Variants in INPP4A observed in about 807,000 individuals in gnomAD.
INPP4A encodes the protein inositol polyphosphate-4-phosphatase, type I, 107kD.
In INPP4A, 33 loss-of-function variants were observed where a neutral mutation model predicts 119.8. The ratio of observed to expected loss-of-function variants is 0.28; its 90% CI spans 0.21 to 0.37. The LOEUF (loss-of-function observed/expected upper bound fraction) is 0.37, where lower values mean the gene tolerates loss of function less well. INPP4A is among the 10% of genes least tolerant of loss of function. The pLI is 1.00. For missense variants in INPP4A, 956 were observed against 1,289.9 expected (o/e 0.74, Z 3.97); for synonymous variants, 496 against 500.7 (o/e 0.99, Z 0.12).
intron 24 of INPP4A, among the ~76,000 whole-genome samples, chr2:98,577,345 T>A (rs1442977127): frequency 1.3e-5 from 2 of 152,132 alleles, no homozygotes; most frequent in East Asian, 3.9e-4. Context: ...AGGTGGGGGG[T>A]AACAGCTAGC....
At chr2:98,578,572 C>T (rs576438270) in intron 24 of INPP4A, among the ~76,000 whole-genome samples, 1 of 152,344 alleles carries the variant, frequency 6.6e-6, no homozygotes, top group South Asian at 2.1e-4. Context: ...AAAGTGGCCC[C>T]CTGGAGAGCC....
intron 18 of INPP4A, 93 bp from the exon 19 acceptor site, chr2:98,564,547 G>A (rs1016538445): frequency 9.4e-6 from 14 of 1,484,558 alleles, no homozygotes; most frequent in Admixed American, 1.8e-5. Flanking sequence ...AGTGGCAGCA[G>A]AGGAAGGGGG....
At chr2:98,548,695 T>G (rs796209014) in intron 13 of INPP4A, among the ~76,000 whole-genome samples, 5 of 152,350 alleles carry the variant, frequency 3.3e-5, no homozygotes, top group African/African-American at 1.2e-4. Flanking sequence ...ATGGTATTCA[T>G]GATTTGAACT....
chr2:98,577,546 A>T (rs1416769776), intron 24 of INPP4A, among the ~76,000 whole-genome samples: 1 of 152,208 alleles, frequency 6.6e-6, no homozygotes, highest in Admixed American at 6.5e-5. Context: ...GTATATATTG[A>T]TATCTGTACA....
At chr2:98,478,444 A>G (rs1677706128) in intron 1 of INPP4A, among the ~76,000 whole-genome samples, 1 of 152,222 alleles carries the variant, frequency 6.6e-6, no homozygotes, top group South Asian at 2.1e-4. Context: ...CCAGCCTTGC[A>G]GTCCAGCTGA....
intron 5 of INPP4A, among the ~76,000 whole-genome samples, chr2:98,533,958 A>G (rs895847473): frequency 6.6e-6 from 1 of 152,236 alleles, no homozygotes; most frequent in East Asian, 1.9e-4. Flanking sequence ...ACTAAGTTAC[A>G]TGATAAACAT....
chr2:98,563,454 T>C lies in INPP4A; in HGVS notation c.1856-11T>C. 1 of 1,610,362 alleles carries C rather than the reference T, an allele frequency of 6.2e-7. No individual in the cohort carries two copies. Among genetic ancestry groups the C allele is most frequent in the Non-Finnish European group, 8.5e-7 (1 of 1,177,892 alleles). On this transcript the variant is annotated splice_polypyrimidine_tract_variant and intron_variant, in intron 17 of 24. Transcript: ENST00000409851. The stretch of plus-strand genomic sequence containing the variant: ...TCTCTCATTGTGATGACCCCTTCGC[T>C]TGTGCCCCAGGTGAATGGAGTGAGG...
intron 17 of INPP4A, among the ~76,000 whole-genome samples, chr2:98,560,389 T>C (rs1247952658): frequency 1.3e-5 from 2 of 152,228 alleles, no homozygotes; most frequent in South Asian, 4.1e-4. Flanking sequence ...GCATTGCTAG[T>C]GAAGCCTGTC....
chr2:98,527,586 C>T (rs565390509), intron 4 of INPP4A, among the ~76,000 whole-genome samples: 43 of 152,256 alleles, frequency 2.8e-4, no homozygotes, highest in African/African-American at 9.6e-4. Flanking sequence ...ACTCAGGAGA[C>T]GTGAAAAGGC....
Position 98,570,754 on chromosome 2 carries a change from A to G in INPP4A, c.2519-2061A>G, listed in dbSNP as rs1697299464. 6.6e-6 allele frequency among the ~76,000 whole-genome samples: 1 copy of G among 152,102 alleles called. No individual in the cohort carries two copies. The highest frequency in any genetic ancestry group is 1.5e-5 in the Non-Finnish European group (1 of 68,002). On this transcript the variant is annotated intron_variant, in intron 22 of 24. Coordinates refer to ENST00000409851, the MANE Select transcript of INPP4A (RefSeq NM_001134225.2). The surrounding 1 kb of genome is among the most constrained non-coding windows in gnomAD (Gnocchi z 4.3). Reference sequence around the variant, plus strand: ...GAGGGAAGGAGGGAGGAGAGAAGGTAGGGACATGAATGGAGGAAATATGCT... The same window carrying G: ...GAGGGAAGGAGGGAGGAGAGAAGGTGGGGACATGAATGGAGGAAATATGCT...
At chr2:98,490,571 T>C (rs1183254978) in intron 1 of INPP4A, among the ~76,000 whole-genome samples, 1 of 152,182 alleles carries the variant, frequency 6.6e-6, no homozygotes. Context: ...CTTCACTGGT[T>C]CATATGTGAC....
At chr2:98,487,352 A>G (rs1221142920) in intron 1 of INPP4A, among the ~76,000 whole-genome samples, 1 of 152,048 alleles carries the variant, frequency 6.6e-6, no homozygotes, top group Non-Finnish European at 1.5e-5. Context: ...CTTGTTTTTG[A>G]TGACCTTGAC....
intron 11 of INPP4A, among the ~76,000 whole-genome samples, chr2:98,544,844 G>A (rs1281313179): frequency 1.3e-5 from 2 of 152,190 alleles, no homozygotes; most frequent in African/African-American, 4.8e-5. Context: ...TAACAAGGAG[G>A]TGTTGCTTAG....
chr2:98,535,048 G>A (rs1689977809), intron 5 of INPP4A, among the ~76,000 whole-genome samples: 1 of 152,170 alleles, frequency 6.6e-6, no homozygotes, highest in Admixed American at 6.5e-5. Flanking sequence ...TGACCACCTG[G>A]ATCTGGATCT....
intron 24 of INPP4A, among the ~76,000 whole-genome samples, chr2:98,578,656 G>A (rs560046472): frequency 1.3e-5 from 2 of 152,374 alleles, no homozygotes; most frequent in African/African-American, 4.8e-5. Flanking sequence ...GCACACTTGG[G>A]TTGTGTGCTC....
chr2:98,532,113 TACTC>T (rs1264074482), intron 4 of INPP4A, among the ~76,000 whole-genome samples: 2 of 152,208 alleles, frequency 1.3e-5, no homozygotes, highest in East Asian at 3.9e-4. Context: ...GCCAGTAACT[TACTC>T]TGAATGAACA....
chr2:98,491,031 GAAAA>G (rs759288366), intron 1 of INPP4A, among the ~76,000 whole-genome samples: 12 of 152,058 alleles, frequency 7.9e-5, no homozygotes, highest in Non-Finnish European at 1.6e-4. Flanking sequence ...TGTTGACAGA[GAAAA>G]AAATTCAAAA....
chr2:98,457,784 AGGGAGAAACTCT>A (rs1461190459), intron 1 of INPP4A, among the ~76,000 whole-genome samples: 1 of 152,156 alleles, frequency 6.6e-6, no homozygotes, highest in Non-Finnish European at 1.5e-5. Context: ...TGACTATATT[AGGGAGAAACTCT>A]TATTTTTGTT....
In INPP4A at chr2:98,546,043, A is replaced by C; in HGVS notation, c.1024A>C (p.Arg342=). 2 of 1,588,340 alleles carry C rather than the reference A, an allele frequency of 1.3e-6. No homozygotes were observed. The highest frequency in any genetic ancestry group is 1.7e-6 in the Non-Finnish European group (2 of 1,166,486). Residue 342 remains arginine (R), a synonymous_variant, in exon 12 of 25, where the codon AGG becomes CGG. Transcript: ENST00000409851. This position sits in a 1 kb window ranked among gnomAD's most constrained non-coding sequence, Gnocchi z 4.2. ...EFVPTNLHIQ[R]MRVQDDGGSD... ...TGTTCCCACAAACTTGCACATACAA[A>C]GGATGAGAGTTCAAGACGATGGAGG... is the stretch of plus-strand genomic sequence containing the variant.
Sources: gnomAD v4.1 joint callset for allele counts (sites outside exome capture counted in the v4.1 genomes callset) on GRCh38, gnomAD v4.1.1 for gene constraint, Gnocchi (gnomAD v3.1) non-coding constraint, MANE v1.5 for transcripts, NCBI Gene and HGNC (gene_info 2026-07-23, HGNC 2026-07-21) for gene names.